RPS6KA2: variants seen among roughly 807,000 people sequenced by gnomAD.
RPS6KA2 encodes the protein ribosomal protein S6 kinase alpha-2.
Under a neutral mutation model 91.8 loss-of-function variants are expected in RPS6KA2, and 42 were observed. The ratio of observed to expected loss-of-function variants is 0.46; its 90% CI spans 0.36 to 0.59. RPS6KA2 has a LOEUF of 0.59. Ranked by LOEUF, RPS6KA2 falls within the 20% of genes least tolerant of loss-of-function variation. RPS6KA2 has a pLI of 0.00. For missense variants in RPS6KA2, 798 were observed against 978.5 expected (o/e 0.82, Z 2.46); for synonymous variants, 414 against 393.6 (o/e 1.05, Z -0.61).
At chr6:166,703,115 T>C (rs1017230605) in intron 2 of RPS6KA2, among the ~76,000 whole-genome samples, 1 of 152,248 alleles carries the variant, frequency 6.6e-6, no homozygotes, top group Non-Finnish European at 1.5e-5. Flanking sequence ...CTTTTCACAG[T>C]CATTTTTTAA....
chr6:166,808,809 C>A (rs925054800), intron 2 of RPS6KA2, among the ~76,000 whole-genome samples: 1 of 152,138 alleles, frequency 6.6e-6, no homozygotes, highest in South Asian at 2.1e-4. Context: ...AAATTGTCTA[C>A]AAATTAAATG....
chr6:166,535,169 C>T lies in RPS6KA2; in HGVS notation c.216+3499G>A, dbSNP rs75163646. Among the ~76,000 whole-genome samples, 673 of 152,284 alleles carry T rather than the reference C, an allele frequency of 4.4e-3. 8 individuals carry two copies. The highest frequency in any genetic ancestry group is 0.016 in the African/African-American group (655 of 41,552). On this transcript the variant is annotated intron_variant, in intron 2 of 20. Coordinates refer to ENST00000265678, the MANE Select transcript of RPS6KA2 (RefSeq NM_021135.6). ...TAGAACTGCCTCTCCAGCAGCTTGG[C>T]GTGCTGCATTGCAAAGATGCTGTGA...
intron 2 of RPS6KA2, among the ~76,000 whole-genome samples, chr6:166,820,904 A>C (rs1480146270): frequency 6.6e-6 from 1 of 152,226 alleles, no homozygotes; most frequent in Admixed American, 6.5e-5. Flanking sequence ...GTTTAGGAAC[A>C]TTATGTAAAA....
chr6:166,686,300 A>G (rs1346497061), intron 2 of RPS6KA2, among the ~76,000 whole-genome samples: 3 of 151,848 alleles, frequency 2.0e-5, no homozygotes, highest in African/African-American at 7.3e-5. Context: ...AAGCAACCCG[A>G]CCTCTCCTAC....
chr6:166,761,087 C>T (rs569509743), intron 2 of RPS6KA2, among the ~76,000 whole-genome samples: 3 of 152,232 alleles, frequency 2.0e-5, no homozygotes, highest in African/African-American at 4.8e-5. Flanking sequence ...TTTCTGAGAC[C>T]GAGTCTTGCT....
chr6:166,735,182 G>A (rs145615257), intron 2 of RPS6KA2, among the ~76,000 whole-genome samples: 52 of 152,314 alleles, frequency 3.4e-4, no homozygotes, highest in Middle Eastern at 3.4e-3. Flanking sequence ...CAGCCACTCC[G>A]CTTCAGGCTG....
chr6:166,595,457 C>T (rs1309754914), intron 1 of RPS6KA2, among the ~76,000 whole-genome samples: 1 of 152,360 alleles, frequency 6.6e-6, no homozygotes, highest in East Asian at 1.9e-4. Context: ...CCCAGGGAAG[C>T]GGTTGTATCC....
intron 2 of RPS6KA2, among the ~76,000 whole-genome samples, chr6:166,676,579 C>A (rs760916322): frequency 2.6e-5 from 4 of 152,158 alleles, no homozygotes; most frequent in Non-Finnish European, 5.9e-5. Flanking sequence ...AACTTGTAAC[C>A]AGGACCGTTC....
intron 19 of RPS6KA2, among the ~76,000 whole-genome samples, chr6:166,416,204 T>TCGCCATCATCTTCACCACCACCTCC (rs200881179): frequency 3.2e-4 from 6 of 18,760 alleles, no homozygotes; most frequent in African/African-American, 6.3e-4. Flanking sequence ...CCATCAACCC[T>TCGCCATCATCTTCACCACCACCTCC]ACCATCACCC....
chr6:166,449,874 C>CCACCATGGGAACCACCACAG (rs1562500913), intron 13 of RPS6KA2, among the ~76,000 whole-genome samples: 139 of 122,752 alleles, frequency 1.1e-3, no homozygotes, highest in African/African-American at 3.8e-3. Flanking sequence ...AACCACCACG[C>CCACCATGGGAACCACCACAG]GGACCACCAT....
chr6:166,568,367 A>AGG lies in RPS6KA2; in HGVS notation c.100-29584_100-29583insCC, dbSNP rs1784566783. ...GGTGACTCACGCCTATTATCCCAGC[A>AGG]CTTTGGGAGGCTTAGGCAGGCGGAT... On this transcript the variant is annotated intron_variant, in intron 1 of 20. Coordinates refer to ENST00000265678, the MANE Select transcript of RPS6KA2 (RefSeq NM_021135.6). Among the ~76,000 whole-genome samples, 4 of 152,080 alleles carry AGG rather than the reference A, an allele frequency of 2.6e-5. No homozygotes were observed. In the South Asian group the frequency reaches 8.3e-4, roughly 31 times the overall value.
chr6:166,484,999 C>CG (rs977242075), intron 10 of RPS6KA2, among the ~76,000 whole-genome samples: 5 of 152,174 alleles, frequency 3.3e-5, no homozygotes, highest in Non-Finnish European at 5.9e-5. Flanking sequence ...AGCACCGTGC[C>CG]GGGGGAAACC....
intron 2 of RPS6KA2, among the ~76,000 whole-genome samples, chr6:166,723,554 C>G (rs1203798339): frequency 3.9e-5 from 6 of 152,218 alleles, no homozygotes; most frequent in Non-Finnish European, 7.3e-5. Context: ...GATCTAATAA[C>G]AATACGTAAA....
In RPS6KA2 at chr6:166,453,228, CACAA is replaced by C. The variant is rs766246000; in HGVS notation, c.1076-1999_1076-1996del. Among the ~76,000 whole-genome samples the C allele has an allele frequency of 9.6e-3, 1,425 of 147,770 alleles. 24 individuals are homozygous for C. The highest frequency in any genetic ancestry group is 0.032 in the African/African-American group (1,301 of 40,306). On this transcript the variant is annotated intron_variant, in intron 12 of 20. Transcript: ENST00000265678. ...ACACACACACACACACACACACACA[CACAA>C]AAAGGCTTTAAGACCAGCATAAGAA... is the stretch of plus-strand genomic sequence containing the variant.
chr6:166,529,659 G>T (rs1453052403), intron 3 of RPS6KA2, among the ~76,000 whole-genome samples: 1 of 152,158 alleles, frequency 6.6e-6, no homozygotes, highest in Non-Finnish European at 1.5e-5. Flanking sequence ...CAATAAACTA[G>T]AATGTCTCAC....
intron 2 of RPS6KA2, among the ~76,000 whole-genome samples, chr6:166,808,393 T>A (rs1323774821): frequency 6.6e-6 from 1 of 152,198 alleles, no homozygotes; most frequent in Non-Finnish European, 1.5e-5. Context: ...TACTCCTCAG[T>A]GAGTGTGAGC....
intron 2 of RPS6KA2, among the ~76,000 whole-genome samples, chr6:166,805,849 T>TAAAGGAAAGACA (rs756451916): frequency 0.019 from 2,916 of 152,242 alleles, 104 homozygotes; most frequent in African/African-American, 0.066. Context: ...TTAAAGATGC[T>TAAAGGAAAGACA]TGAAGAACTA....
chr6:166,736,721 T>G (rs1790679723), intron 2 of RPS6KA2, among the ~76,000 whole-genome samples: 1 of 152,144 alleles, frequency 6.6e-6, no homozygotes. Context: ...CACCCCGCCC[T>G]GAAAGCTCTA....
rs77064741 is a variant in RPS6KA2 at position 166,783,911 on chromosome 6, C to A, written c.123+74289G>T. Reference sequence around the variant, plus strand: ...TATGCACACGTGCACACCTACGCATCACCACATATGCACACGTGCACACCT... The same window carrying A: ...TATGCACACGTGCACACCTACGCATAACCACATATGCACACGTGCACACCT... On this transcript the variant is annotated intron_variant, in intron 2 of 21. Transcript: ENST00000503859. Among the ~76,000 whole-genome samples the A allele has an allele frequency of 3.5e-3, 206 of 58,038 alleles. 20 individuals carry two copies. The highest frequency in any genetic ancestry group is 0.02 in the African/African-American group (180 of 9,188). The allele number at this position is 58,038 out of a possible 152,430, so 38.1% of individuals were successfully genotyped here.
Sources: allele counts gnomAD v4.1 joint callset (sites outside exome capture counted in the v4.1 genomes callset), GRCh38; gene constraint gnomAD v4.1.1; transcripts MANE v1.5; gene names NCBI Gene and HGNC (gene_info 2026-07-23, HGNC 2026-07-21).